Variants in VWA3A observed in about 807,000 individuals in gnomAD.
VWA3A encodes the protein von Willebrand factor A domain containing 3A.
A neutral mutation model predicts 160.4 loss-of-function variants in VWA3A; 134 were observed. The ratio of observed to expected loss-of-function variants is 0.84; its 90% CI spans 0.73 to 0.96. VWA3A has a LOEUF of 0.96. VWA3A is among the 40% of genes least tolerant of loss of function. VWA3A has a pLI of 0.00. For synonymous variants in VWA3A, 476 were observed against 543.4 expected (o/e 0.88, Z 1.72); for missense variants, 1,310 against 1,447.9 (o/e 0.90, Z 1.55).
At chr16:22,126,483 G>T (rs947607913) in intron 17 of VWA3A, among the ~76,000 whole-genome samples, 186 bp downstream of exon 17, 4 of 152,066 alleles carry the variant, frequency 2.6e-5, no homozygotes, top group African/African-American at 9.7e-5. Flanking sequence ...TTAAATAGTT[G>T]CAGGACTGTC....
intron 5 of VWA3A, among the ~76,000 whole-genome samples, chr16:22,101,427 A>G (rs1461204523): frequency 6.6e-6 from 1 of 152,218 alleles, no homozygotes; most frequent in African/African-American, 2.4e-5. Flanking sequence ...TTGATAGCAC[A>G]TGTGTATTAG....
chr16:22,109,912 T>C (rs1302842372), intron 7 of VWA3A, among the ~76,000 whole-genome samples: 1 of 152,242 alleles, frequency 6.6e-6, no homozygotes, highest in Non-Finnish European at 1.5e-5. Flanking sequence ...TGGCCTTTTC[T>C]GGATGGAAGA....
At chr16:22,128,988 A>G (rs1365196109) in intron 17 of VWA3A, among the ~76,000 whole-genome samples, 2 of 152,074 alleles carry the variant, frequency 1.3e-5, no homozygotes, top group African/African-American at 4.8e-5. Context: ...TAGGCTTAAT[A>G]CCTGGGTGAT....
intron 8 of VWA3A, among the ~76,000 whole-genome samples, chr16:22,112,981 C>A (rs1244845428): frequency 1.3e-5 from 2 of 152,206 alleles, no homozygotes; most frequent in Non-Finnish European, 2.9e-5. Context: ...AACAAAGTAC[C>A]TGGCTAGTGC....
intron 31 of VWA3A, among the ~76,000 whole-genome samples, chr16:22,155,021 G>A (rs1016986096): frequency 5.7e-5 from 8 of 139,422 alleles, no homozygotes; most frequent in Non-Finnish European, 1.1e-4. Context: ...AGGTGTGGTG[G>A]CACATGCCTG....
intron 17 of VWA3A, among the ~76,000 whole-genome samples, chr16:22,129,399 AAAAAAAG>A (rs1475947498): frequency 2.4e-3 from 323 of 132,190 alleles, no homozygotes; most frequent in African/African-American, 8.9e-3. Context: ...AAAAAAAAAA[AAAAAAAG>A]AAAGAAAGAA....
intron 14 of VWA3A, among the ~76,000 whole-genome samples, chr16:22,122,281 GTGGA>G (rs753561947): frequency 0.092 from 13,523 of 146,596 alleles, 731 homozygotes; most frequent in African/African-American, 0.15. Context: ...GGATGGATGG[GTGGA>G]TGGATGGATG....
At chr16:22,144,136 C>A in intron 25 of VWA3A, 111 bp from the exon 26 acceptor site, 4 of 1,323,496 alleles carry the variant, frequency 3.0e-6, no homozygotes, top group Non-Finnish European at 4.1e-6. Flanking sequence ...GGGAATCCCA[C>A]ATTTCAAACA....
chr16:22,129,398 A>AGAAAGAAAGAAAGAAAG (rs1274399954), intron 17 of VWA3A, among the ~76,000 whole-genome samples: 3 of 101,628 alleles, frequency 3.0e-5, no homozygotes, highest in African/African-American at 2.1e-4. Context: ...CAAAAAAAAA[A>AGAAAGAAAGAAAGAAAG]AAAAAAAGAA....
In VWA3A at chr16:22,142,615, G is replaced by C; in HGVS notation, c.2495-53G>C. 4.3e-6 allele frequency: 6 copies of C among 1,400,240 alleles called. 1 individual carries two copies. The Admixed American group carries it at 1.2e-4, about 28-fold the overall frequency. 86.7% of individuals were successfully genotyped at this position (1,400,240 alleles called of 1,614,324 possible). On this transcript the variant is annotated intron_variant, in intron 24 of 33. Coordinates refer to ENST00000389398, the MANE Select transcript of VWA3A (RefSeq NM_173615.5). ...CTGGGGATCACATTTCATGAGGTTT[G>C]CAGGGGCTCAACCATCCAAACTATA...
chr16:22,116,276 AGAAG>A, intron 9 of VWA3A: 2 of 378,940 alleles, frequency 5.3e-6, no homozygotes, highest in Admixed American at 3.4e-5. Context: ...GAAAAAGAAA[AGAAG>A]AAGGAAGGAA....
intron 6 of VWA3A, among the ~76,000 whole-genome samples, chr16:22,105,859 C>T (rs2045475371): frequency 6.6e-6 from 1 of 152,168 alleles, no homozygotes; most frequent in Non-Finnish European, 1.5e-5. Context: ...ATTGGCAATA[C>T]CCTAGAATAT....
chr16:22,141,179 T>C (rs1445583133), intron 23 of VWA3A: 7 of 461,452 alleles, frequency 1.5e-5, no homozygotes, highest in Non-Finnish European at 3.0e-5. Flanking sequence ...CCTAAGACCA[T>C]GTATTTTATT....
In VWA3A at chr16:22,101,773, G is replaced by T. The variant is rs532778340; in HGVS notation, c.428+1280G>T. On this transcript the variant is annotated intron_variant, in intron 5 of 33. Transcript: ENST00000389398. ...TTTTATTAGGTTGGAAGCTTAAACA[G>T]GTTTTAAAGAATTCTGCAATGTCTT... Among the ~76,000 whole-genome samples, 7 of 152,298 alleles carry T rather than the reference G, an allele frequency of 4.6e-5. No homozygotes were observed. The South Asian group carries it at 1.2e-3, about 27-fold the overall frequency.
intron 8 of VWA3A, among the ~76,000 whole-genome samples, chr16:22,112,240 C>T (rs2045562729): frequency 6.6e-6 from 1 of 152,080 alleles, no homozygotes. Context: ...GGAATGTCCT[C>T]GATTGCCCAC....
rs1396651684 is a variant in VWA3A, at chr16:22,152,642, G to T, written c.3405+8G>T. 1.3e-6 allele frequency: 2 copies of T among 1,598,186 alleles called. No individual in the cohort carries two copies. The highest frequency in any genetic ancestry group is 1.7e-5 in the Admixed American group (1 of 57,332). ...GGCTTCATCAATGAAAAGGTAGGTTGCAGAGCCACTGAGCATGAGGTCTGT... is the reference window on the plus strand; with the variant it reads ...GGCTTCATCAATGAAAAGGTAGGTTTCAGAGCCACTGAGCATGAGGTCTGT... On this transcript the variant is annotated splice_region_variant and intron_variant, in intron 31 of 33. Coordinates refer to ENST00000389398, the MANE Select transcript of VWA3A (RefSeq NM_173615.5).
chr16:22,137,423 G>T (rs942909427), intron 21 of VWA3A, among the ~76,000 whole-genome samples: 1 of 152,198 alleles, frequency 6.6e-6, no homozygotes. Context: ...ATGGAAGGGT[G>T]CTGGCTTTGG....
At chr16:22,103,044 T>C (rs2045429944) in intron 5 of VWA3A, among the ~76,000 whole-genome samples, 1 of 152,190 alleles carries the variant, frequency 6.6e-6, no homozygotes, top group South Asian at 2.1e-4. Context: ...GGCAAACAAG[T>C]ATCTTCAGTT....
chr16:22,154,789 C>T (rs1567230731), intron 31 of VWA3A, among the ~76,000 whole-genome samples: 1 of 149,190 alleles, frequency 6.7e-6, no homozygotes, highest in Non-Finnish European at 1.5e-5. Context: ...CCCGTCTCTA[C>T]TAAAAATACA....
Sources: gnomAD v4.1 joint callset for allele counts (sites outside exome capture counted in the v4.1 genomes callset) on GRCh38, gnomAD v4.1.1 for gene constraint, MANE v1.5 for transcripts, NCBI Gene and HGNC (gene_info 2026-07-23, HGNC 2026-07-21) for gene names.